The following TBC1D22A variants were observed in gnomAD, a reference collection of about 807,000 sequenced individuals.
TBC1D22A encodes TBC1 domain family member 22A.
In TBC1D22A, 38 loss-of-function variants were observed where a neutral mutation model predicts 60.2. That is an observed-to-expected ratio of 0.63 (90% confidence interval 0.49 to 0.83). The LOEUF is 0.83. Ranked by LOEUF, TBC1D22A falls within the 40% of genes least tolerant of loss-of-function variation. TBC1D22A has a pLI of 0.00. For synonymous variants in TBC1D22A, 302 were observed against 281.7 expected, an observed-to-expected ratio of 1.07 and a Z score of -0.72; for missense variants, 628 against 701.0, an observed-to-expected ratio of 0.90 and a Z score of 1.18.
chr22:47,086,130 G>T (rs982656358), intron 11 of TBC1D22A, among the ~76,000 whole-genome samples: 1 of 152,228 alleles, frequency 6.6e-6, no homozygotes, highest in African/African-American at 2.4e-5. Context: ...TGGGAGCGCT[G>T]TGGCTCCCAT....
chr22:46,925,929 C>G (rs530729587), intron 8 of TBC1D22A, among the ~76,000 whole-genome samples: 1 of 152,054 alleles, frequency 6.6e-6, no homozygotes, highest in East Asian at 1.9e-4. Flanking sequence ...TAAAACAAGC[C>G]GTAATACTTT....
intron 11 of TBC1D22A, among the ~76,000 whole-genome samples, chr22:47,047,727 G>T (rs1022527563): frequency 6.6e-6 from 1 of 152,370 alleles, no homozygotes; most frequent in South Asian, 2.1e-4. Flanking sequence ...GAAGAAGCTT[G>T]CCCCATCCTG....
Position 46,793,506 on chromosome 22 carries a change from T to C in TBC1D22A, c.125T>C (p.Leu42Pro). Residue 42 changes from leucine to proline, a missense_variant, in exon 3 of 13, where the codon CTC becomes CCC. Transcript: ENST00000337137. ...AGACTGCCTTTGCATTGCAGTTTGC[T>C]CAGGTCCACGGCCAAGATGCCGACC... ...PFDPLLHGTL[L>P]RSTAKMPTTP... 1 of 1,614,188 alleles carries C rather than the reference T, an allele frequency of 6.2e-7. No homozygotes were observed. The highest frequency in any genetic ancestry group is 8.5e-7 in the Non-Finnish European group (1 of 1,180,044).
At chr22:46,944,953 T>C (rs999480681) in intron 8 of TBC1D22A, among the ~76,000 whole-genome samples, 1 of 152,248 alleles carries the variant, frequency 6.6e-6, no homozygotes, top group African/African-American at 2.4e-5. Context: ...TAATTAAATA[T>C]GTATAGATTA....
At chr22:46,875,173 T>G (rs2067493730) in intron 4 of TBC1D22A, among the ~76,000 whole-genome samples, 1 of 152,226 alleles carries the variant, frequency 6.6e-6, no homozygotes, top group Non-Finnish European at 1.5e-5. Flanking sequence ...TGGGTGAATG[T>G]GTAAACAAGT....
rs1283039588 is a variant in TBC1D22A, at chr22:46,777,636, C to T, written c.62+14788C>T. Among the ~76,000 whole-genome samples the T allele has an allele frequency of 6.6e-6, 1 of 152,062 alleles. No homozygotes were observed. Among genetic ancestry groups the T allele is most frequent in the Admixed American group, 6.5e-5 (1 of 15,270 alleles). ...AGTCTGGGGCATGCAGAGAGGCTGG[C>T]AGGAGGCAGAGGAGGGAGCAAGAAG... On this transcript the variant is annotated intron_variant, in intron 1 of 12. Transcript: ENST00000337137. The surrounding 1 kb of genome is among the most constrained non-coding windows in gnomAD (Gnocchi z 4.5).
chr22:47,115,631 G>A (rs1371667531), intron 12 of TBC1D22A, among the ~76,000 whole-genome samples: 1 of 152,200 alleles, frequency 6.6e-6, no homozygotes, highest in African/African-American at 2.4e-5. Context: ...CCCAGCAGGG[G>A]TGAGGCGAGC....
In TBC1D22A at chr22:47,015,257, A is replaced by T. The variant is rs1246832408; in HGVS notation, c.1201+17548A>T. 2.0e-5 allele frequency among the ~76,000 whole-genome samples: 3 copies of T among 152,188 alleles called. No homozygotes were observed. The East Asian group carries it at 5.8e-4, about 29-fold the overall frequency. Reference sequence around the variant, plus strand: ...AGAGCCAGGATGCGGTTCCTGGCGCAGGTGCCTGGGGGCGCCTAGAGGAGT... The same window carrying T: ...AGAGCCAGGATGCGGTTCCTGGCGCTGGTGCCTGGGGGCGCCTAGAGGAGT... On this transcript the variant is annotated intron_variant, in intron 10 of 12. Coordinates refer to ENST00000337137, the MANE Select transcript of TBC1D22A (RefSeq NM_014346.5).
intron 11 of TBC1D22A, among the ~76,000 whole-genome samples, chr22:47,102,061 G>C (rs553263826): frequency 6.6e-6 from 1 of 152,294 alleles, no homozygotes; most frequent in East Asian, 1.9e-4. Flanking sequence ...TTCAGGGTAG[G>C]GGGAGGAAAC....
intron 10 of TBC1D22A, among the ~76,000 whole-genome samples, chr22:47,004,255 T>C (rs1398606213): frequency 7.1e-6 from 1 of 141,558 alleles, no homozygotes; most frequent in East Asian, 2.1e-4. Flanking sequence ...CATATACACA[T>C]ATACACACAC....
chr22:46,771,617 T>A (rs1474997461), intron 1 of TBC1D22A, among the ~76,000 whole-genome samples: 1 of 151,476 alleles, frequency 6.6e-6, no homozygotes, highest in Non-Finnish European at 1.5e-5. Context: ...TTTTTTGAGA[T>A]GGAGTCTTGC....
intron 4 of TBC1D22A, among the ~76,000 whole-genome samples, chr22:46,834,722 T>C (rs1043661328): frequency 2.6e-5 from 4 of 152,188 alleles, no homozygotes; most frequent in Admixed American, 2.6e-4. Flanking sequence ...CCTTGTGGAC[T>C]TCACTAAGAG....
At chr22:46,806,935 C>T (rs1028448886) in intron 4 of TBC1D22A, among the ~76,000 whole-genome samples, 1 of 152,242 alleles carries the variant, frequency 6.6e-6, no homozygotes, top group Non-Finnish European at 1.5e-5. Flanking sequence ...ACAGGGCTGG[C>T]CGAGCAAATG....
rs529631503 is a variant in TBC1D22A at position 46,907,832 on chromosome 22, A to G, written c.901-4242A>G. ...GCTGCTTTGGGTAGGGAGGTGGCAG[A>G]GGAGCTTGTCTCTGAGGAGATGCAT... On this transcript the variant is annotated intron_variant, in intron 7 of 12. Transcript: ENST00000337137. 1.3e-3 allele frequency among the ~76,000 whole-genome samples: 197 copies of G among 152,316 alleles called. 3 individuals are homozygous for G. In the South Asian group the frequency reaches 0.04, roughly 31 times the overall value.
intron 8 of TBC1D22A, among the ~76,000 whole-genome samples, chr22:46,956,518 TG>T (rs1272369020): frequency 4.6e-5 from 7 of 152,276 alleles, no homozygotes; most frequent in African/African-American, 1.7e-4. Context: ...TTTCCTTCTT[TG>T]TCCGTATAGA....
chr22:47,061,512 G>A (rs1231079327), intron 11 of TBC1D22A, among the ~76,000 whole-genome samples: 1 of 152,100 alleles, frequency 6.6e-6, no homozygotes, highest in African/African-American at 2.4e-5. Flanking sequence ...CAGAAGCTTC[G>A]AGCGCAGATC....
At chr22:47,133,527 G>C (rs1220581148) in intron 12 of TBC1D22A, among the ~76,000 whole-genome samples, 2 of 152,204 alleles carry the variant, frequency 1.3e-5, no homozygotes, top group African/African-American at 4.8e-5. Flanking sequence ...GTGAAATTCT[G>C]GGTGATTCCA....
intron 9 of TBC1D22A, among the ~76,000 whole-genome samples, chr22:46,988,838 C>T (rs1317177275): frequency 1.3e-5 from 2 of 152,182 alleles, no homozygotes; most frequent in Non-Finnish European, 2.9e-5. Context: ...GTCAGCTGGT[C>T]CTTCGAAGCT....
At chr22:47,043,529 G>T (rs1010758302) in intron 11 of TBC1D22A, among the ~76,000 whole-genome samples, 3 of 152,210 alleles carry the variant, frequency 2.0e-5, no homozygotes, top group Non-Finnish European at 4.4e-5. Flanking sequence ...CAGCCCAGCT[G>T]GTGGCCAGCA....
Sources: allele counts gnomAD v4.1 joint callset (sites outside exome capture counted in the v4.1 genomes callset), GRCh38; gene constraint gnomAD v4.1.1; non-coding constraint Gnocchi (gnomAD v3.1); transcripts MANE v1.5; gene names NCBI Gene and HGNC (gene_info 2026-07-23, HGNC 2026-07-21).